The following DOCK2 variants were observed in gnomAD, a reference collection of about 807,000 sequenced individuals.
DOCK2 encodes the protein dedicator of cytokinesis 2.
DOCK2 carries 87 observed loss-of-function variants against 248.9 expected under a neutral mutation model. The ratio of observed to expected loss-of-function variants is 0.35; its 90% CI spans 0.29 to 0.42. The LOEUF is 0.42. Among genes scored for constraint, DOCK2 ranks in the 10% least tolerant of loss-of-function variants. The pLI is 1.00. For missense variants in DOCK2, 1,747 were observed against 2,300.2 expected, an observed-to-expected ratio of 0.76 and a Z score of 4.92; for synonymous variants, 805 against 821.6, an observed-to-expected ratio of 0.98 and a Z score of 0.35.
At chr5:169,813,745 T>C (rs261014) in intron 26 of DOCK2, among the ~76,000 whole-genome samples, 30,110 of 152,234 alleles carry the variant, frequency 0.2, 3,710 homozygotes, top group East Asian at 0.41. Context: ...TTCTCATTGA[T>C]CTGCTGTGGC....
chr5:170,057,998 C>T (rs1225664512), intron 44 of DOCK2, among the ~76,000 whole-genome samples: 11 of 152,190 alleles, frequency 7.2e-5, no homozygotes, highest in South Asian at 4.1e-4. Flanking sequence ...CCCCCTCATA[C>T]TCCTCTCATC....
chr5:170,055,551 G>C (rs896908586), intron 42 of DOCK2, among the ~76,000 whole-genome samples, 165 bp downstream of exon 42: 1 of 152,224 alleles, frequency 6.6e-6, no homozygotes, highest in Non-Finnish European at 1.5e-5. Context: ...CCTCCAATTA[G>C]CTGGGCTCTG....
At chr5:170,028,768 C>T (rs944228596) in intron 34 of DOCK2, among the ~76,000 whole-genome samples, 13 of 146,496 alleles carry the variant, frequency 8.9e-5, no homozygotes, top group South Asian at 4.4e-4. Flanking sequence ...CACACACACA[C>T]GCGTGCGCAC....
At chr5:170,004,511 A>G (rs1405536864) in intron 30 of DOCK2, among the ~76,000 whole-genome samples, 1 of 152,148 alleles carries the variant, frequency 6.6e-6, no homozygotes, top group East Asian at 1.9e-4. Context: ...CAGTGTGGCG[A>G]TTCCTCAGGG....
intron 27 of DOCK2, among the ~76,000 whole-genome samples, chr5:169,908,242 C>T (rs1278193956): frequency 6.6e-6 from 1 of 152,074 alleles, no homozygotes; most frequent in African/African-American, 2.4e-5. Flanking sequence ...ATTTTTATAG[C>T]TGGTCCCTTG....
At chr5:169,908,780 T>C (rs1261301394) in intron 27 of DOCK2, among the ~76,000 whole-genome samples, 2 of 149,824 alleles carry the variant, frequency 1.3e-5, no homozygotes, top group Non-Finnish European at 3.0e-5. Flanking sequence ...AGTGGTGTGA[T>C]GTCAGCTCAC....
At chr5:169,937,895 C>T (rs1474413249) in intron 27 of DOCK2, among the ~76,000 whole-genome samples, 1 of 152,206 alleles carries the variant, frequency 6.6e-6, no homozygotes, top group Non-Finnish European at 1.5e-5. Context: ...CTCCATTCTG[C>T]CTTTCCAGCC....
chr5:169,990,281 T>G (rs1778172757), intron 29 of DOCK2, among the ~76,000 whole-genome samples: 2 of 152,096 alleles, frequency 1.3e-5, no homozygotes, highest in South Asian at 4.1e-4. Flanking sequence ...GTATTTTTAA[T>G]AGAGACAGGG....
intron 26 of DOCK2, among the ~76,000 whole-genome samples, chr5:169,823,786 G>C (rs1768648085): frequency 6.6e-6 from 1 of 152,196 alleles, no homozygotes; most frequent in Non-Finnish European, 1.5e-5. Flanking sequence ...TCAGACAGGA[G>C]AAAGAAATAA....
In DOCK2 at chr5:169,852,363, C is replaced by T. The variant is rs138715788; in HGVS notation, c.2799+11511C>T. On this transcript the variant is annotated intron_variant, in intron 27 of 51. Transcript: ENST00000520908. ...TGTCCTTGGAGAACTTGAGAAACAG[C>T]GTATCTGCCATTTGGGCGTTGGCTG... 3.8e-4 allele frequency among the ~76,000 whole-genome samples: 58 copies of T among 152,282 alleles called. No individual in the cohort carries two copies. The East Asian group carries it at 8.5e-3, about 22-fold the overall frequency.
chr5:169,898,148 C>T (rs960758953), intron 27 of DOCK2, among the ~76,000 whole-genome samples: 10 of 152,188 alleles, frequency 6.6e-5, no homozygotes, highest in African/African-American at 2.2e-4. Context: ...TTCATCAGTA[C>T]GTTCTGAGCT....
intron 46 of DOCK2, among the ~76,000 whole-genome samples, chr5:170,069,556 C>T (rs1344019278): frequency 3.3e-5 from 5 of 152,182 alleles, no homozygotes; most frequent in Admixed American, 6.5e-5. Context: ...AAACCAGCAC[C>T]TTCCCCCGAC....
intron 2 of DOCK2, among the ~76,000 whole-genome samples, chr5:169,655,842 G>C: frequency 6.6e-6 from 1 of 152,174 alleles, no homozygotes; most frequent in Admixed American, 6.5e-5. Context: ...ACTTTAAAAG[G>C]GGTCATGGGG....
chr5:169,766,945 G>A (rs1022113802), intron 25 of DOCK2, among the ~76,000 whole-genome samples: 12 of 152,004 alleles, frequency 7.9e-5, no homozygotes, highest in Non-Finnish European at 1.5e-4. Context: ...TAGTAGAGAC[G>A]GGGTTTCACC....
chr5:169,919,626 C>T (rs1395427702), intron 27 of DOCK2, among the ~76,000 whole-genome samples: 2 of 152,122 alleles, frequency 1.3e-5, no homozygotes, highest in East Asian at 3.9e-4. Context: ...GTTTCCCTGG[C>T]GTATTTTTGT....
chr5:169,765,789 G>C (rs1764748392), intron 25 of DOCK2, among the ~76,000 whole-genome samples: 1 of 146,818 alleles, frequency 6.8e-6, no homozygotes, highest in East Asian at 2.1e-4. Flanking sequence ...TTTTCAGCTG[G>C]TGGGTTTTTT....
rs1767666712 is a variant in DOCK2, at chr5:169,810,433, C to CT, written c.2703+7228dup. On this transcript the variant is annotated intron_variant, in intron 26 of 51. Transcript: ENST00000520908. ...ATTTTAGTGTTCTAATTGACTCTTA[C>CT]TAGTGATTCATGAGTCAGGCATTCG... Among the ~76,000 whole-genome samples the CT allele has an allele frequency of 2.0e-5, 3 of 152,286 alleles. No homozygotes were observed. The South Asian group carries it at 6.2e-4, about 32-fold the overall frequency.
intron 8 of DOCK2, 40 bp downstream of exon 8, chr5:169,684,390 G>A (rs1759837435): frequency 1.2e-6 from 2 of 1,608,108 alleles, no homozygotes; most frequent in African/African-American, 1.3e-5. Context: ...CTGACTATGG[G>A]AAGCAGTGCA....
Position 170,083,000 on chromosome 5 carries a change from A to C in DOCK2, c.*142A>C. ...TTACTTAGAGGAGACAGAGAGGCCA[A>C]TCAGGTCCCAGAGCTTGAATGCTAA... On this transcript the variant is annotated 3_prime_UTR_variant, in exon 52 of 52. Transcript: ENST00000520908. 1 of 1,032,024 alleles carries C rather than the reference A, an allele frequency of 9.7e-7. No individual in the cohort carries two copies. The highest frequency in any genetic ancestry group is 1.5e-5 in the South Asian group (1 of 68,064). The allele number at this position is 1,032,024 out of a possible 1,614,324, so 63.9% of individuals were successfully genotyped here.
Sources: allele counts gnomAD v4.1 joint callset (sites outside exome capture counted in the v4.1 genomes callset), GRCh38; gene constraint gnomAD v4.1.1; transcripts MANE v1.5; gene names NCBI Gene and HGNC (gene_info 2026-07-23, HGNC 2026-07-21).